Variants in CAMTA1 observed in about 807,000 individuals in gnomAD.
CAMTA1 encodes the protein calmodulin binding transcription activator 1.
Under a neutral mutation model 170.9 loss-of-function variants are expected in CAMTA1, and 27 were observed. The ratio of observed to expected loss-of-function variants is 0.16; its 90% CI spans 0.12 to 0.22. The LOEUF is 0.22. Ranked by LOEUF, CAMTA1 falls within the 10% of genes least tolerant of loss-of-function variation. CAMTA1 has a pLI of 1.00. For missense variants in CAMTA1, 1,619 were observed against 2,217.2 expected (o/e 0.73, Z 5.42); for synonymous variants, 833 against 891.5 (o/e 0.93, Z 1.17).
chr1:6,823,642 C>T (rs764532768), intron 2 of CAMTA1, among the ~76,000 whole-genome samples: 7 of 151,886 alleles, frequency 4.6e-5, no homozygotes, highest in Non-Finnish European at 1.0e-4. Flanking sequence ...CCAATATTTT[C>T]CTTTTAAGAT....
intron 3 of CAMTA1, among the ~76,000 whole-genome samples, chr1:7,015,035 G>T (rs377563830): frequency 2.1e-4 from 32 of 152,268 alleles, no homozygotes; most frequent in African/African-American, 7.5e-4. Context: ...AAAATTACAG[G>T]ATAGAATTCT....
At chr1:7,244,857 C>T (rs538781622) in intron 4 of CAMTA1, among the ~76,000 whole-genome samples, 11 of 151,726 alleles carry the variant, frequency 7.2e-5, no homozygotes, top group East Asian at 3.9e-4. Context: ...CAAACCTGCA[C>T]GTTGTGCACA....
chr1:6,975,699 C>G (rs1233212334), intron 3 of CAMTA1, among the ~76,000 whole-genome samples: 2 of 152,132 alleles, frequency 1.3e-5, no homozygotes, highest in East Asian at 3.9e-4. Flanking sequence ...GCCTACAATT[C>G]AGTGGTTTTA....
chr1:7,335,143 G>GT (rs2083290253), intron 5 of CAMTA1, among the ~76,000 whole-genome samples: 1 of 69,870 alleles, frequency 1.4e-5, no homozygotes, highest in Non-Finnish European at 3.2e-5. Context: ...TGTGTGTGGG[G>GT]GGGGGGGGGG....
chr1:7,350,924 C>G (rs1199840654), intron 5 of CAMTA1, among the ~76,000 whole-genome samples: 1 of 152,228 alleles, frequency 6.6e-6, no homozygotes, highest in Non-Finnish European at 1.5e-5. Flanking sequence ...TGCTTTGTAG[C>G]CTGTGTTCCT....
At chr1:6,825,050 T>A (rs766952396) in intron 2 of CAMTA1, 42 bp from the exon 3 acceptor site, 1 of 1,192,232 alleles carries the variant, frequency 8.4e-7, no homozygotes, top group Non-Finnish European at 1.2e-6. Context: ...AAGGAGATTT[T>A]ATCTATTATT....
chr1:6,893,042 G>A (rs1440684413), intron 3 of CAMTA1, among the ~76,000 whole-genome samples: 1 of 152,058 alleles, frequency 6.6e-6, no homozygotes, highest in South Asian at 2.1e-4. Context: ...GCACTTTTGG[G>A]AGGCCGAGGC....
chr1:7,434,739 T>C (rs1236701507), intron 5 of CAMTA1, among the ~76,000 whole-genome samples: 2 of 151,980 alleles, frequency 1.3e-5, no homozygotes, highest in African/African-American at 4.8e-5. Context: ...CCCCGAGTGG[T>C]GGACAGTAGT....
intron 7 of CAMTA1, 29 bp from the exon 8 acceptor site, chr1:7,661,697 T>C: frequency 6.2e-7 from 1 of 1,613,184 alleles, no homozygotes; most frequent in Non-Finnish European, 8.5e-7. Context: ...CCACGGGCTC[T>C]GACAGCCCCC....
chr1:7,090,557 A>G (rs1641336449), intron 3 of CAMTA1, among the ~76,000 whole-genome samples: 1 of 152,232 alleles, frequency 6.6e-6, no homozygotes, highest in African/African-American at 2.4e-5. Context: ...CTCGAGCTGG[A>G]GCAATGACTT....
rs1478679763 is a variant in CAMTA1, at chr1:7,092,561, TG to T, written c.302+1193del. Among the ~76,000 whole-genome samples the T allele has an allele frequency of 6.6e-6, 1 of 152,150 alleles. No individual in the cohort carries two copies. The highest frequency in any genetic ancestry group is 1.5e-5 in the Non-Finnish European group (1 of 68,024). ...GAATGGTTCACCTCTGGCCTGAGAATGGGAGGAGAGTCTGTCCGCAGGAGTC... is the reference window on the plus strand; with the variant it reads ...GAATGGTTCACCTCTGGCCTGAGAATGGAGGAGAGTCTGTCCGCAGGAGTC... On this transcript the variant is annotated intron_variant, in intron 4 of 22. Transcript: ENST00000303635. This position sits in a 1 kb window ranked among gnomAD's most constrained non-coding sequence, Gnocchi z 5.0.
At chr1:7,610,408 G>A in intron 6 of CAMTA1, among the ~76,000 whole-genome samples, 1 of 152,174 alleles carries the variant, frequency 6.6e-6, no homozygotes, top group East Asian at 1.9e-4. Flanking sequence ...CAAATGAAGG[G>A]AATTCCTAGT....
At chr1:7,487,327 A>G (rs547014926) in intron 6 of CAMTA1, among the ~76,000 whole-genome samples, 1 of 152,344 alleles carries the variant, frequency 6.6e-6, no homozygotes, top group African/African-American at 2.4e-5. Context: ...GCCCCACCCC[A>G]GCTCTGGGGC....
At chr1:7,175,344 G>T (rs965037707) in intron 4 of CAMTA1, among the ~76,000 whole-genome samples, 1 of 152,230 alleles carries the variant, frequency 6.6e-6, no homozygotes, top group Non-Finnish European at 1.5e-5. Flanking sequence ...ACAAATGTCT[G>T]ATATTGGAAT....
At chr1:7,555,554 C>G (rs775604496) in intron 6 of CAMTA1, among the ~76,000 whole-genome samples, 1 of 152,134 alleles carries the variant, frequency 6.6e-6, no homozygotes, top group African/African-American at 2.4e-5. Context: ...CTGGATATCC[C>G]AAGAATCACA....
chr1:6,995,218 C>T (rs1444186799), intron 3 of CAMTA1, among the ~76,000 whole-genome samples: 1 of 150,902 alleles, frequency 6.6e-6, no homozygotes, highest in Non-Finnish European at 1.5e-5. Flanking sequence ...ACATTTTGGG[C>T]CAGTCATTAT....
At chr1:7,088,681 T>C (rs919925067) in intron 3 of CAMTA1, among the ~76,000 whole-genome samples, 15 of 152,110 alleles carry the variant, frequency 9.9e-5, no homozygotes, top group African/African-American at 3.4e-4. Flanking sequence ...ACAAATCACA[T>C]GTTTAGAGGT....
chr1:7,724,111 G>A (rs942676761), intron 11 of CAMTA1, among the ~76,000 whole-genome samples: 1 of 152,168 alleles, frequency 6.6e-6, no homozygotes, highest in African/African-American at 2.4e-5. Flanking sequence ...GAGCCACTGC[G>A]CCCGGCCTAA....
At chr1:7,102,595 G>A (rs1160658479) in intron 4 of CAMTA1, among the ~76,000 whole-genome samples, 15 of 152,178 alleles carry the variant, frequency 9.9e-5, no homozygotes, top group Admixed American at 9.2e-4. Flanking sequence ...GTATGCGCAA[G>A]GATGGAGGAG....
Sources: allele counts gnomAD v4.1 joint callset (sites outside exome capture counted in the v4.1 genomes callset), GRCh38; gene constraint gnomAD v4.1.1; non-coding constraint Gnocchi (gnomAD v3.1); transcripts MANE v1.5; gene names NCBI Gene and HGNC (gene_info 2026-07-23, HGNC 2026-07-21).